Variants in PRKG1 observed in about 807,000 individuals in gnomAD.
PRKG1 encodes the protein protein kinase cGMP-dependent 1, also known as cGMP-dependent protein kinase 1.
Under a neutral mutation model 88.1 loss-of-function variants are expected in PRKG1, and 35 were observed. The observed-to-expected ratio is 0.40, with a 90% CI of 0.30 to 0.53. The LOEUF is 0.53. Among genes scored for constraint, PRKG1 ranks in the 20% least tolerant of loss-of-function variants. PRKG1 has a pLI of 0.59. For missense variants in PRKG1, 540 were observed against 839.8 expected (o/e 0.64, Z 4.41); for synonymous variants, 303 against 292.5 (o/e 1.04, Z -0.37).
intron 3 of PRKG1, among the ~76,000 whole-genome samples, chr10:51,642,697 G>A (rs1216010654): frequency 2.6e-5 from 4 of 152,106 alleles, no homozygotes; most frequent in Admixed American, 1.3e-4. Context: ...AGAGAGCAAG[G>A]AAGGGACCCA....
chr10:51,183,890 A>T (rs1159926865), intron 2 of PRKG1, among the ~76,000 whole-genome samples: 1 of 152,150 alleles, frequency 6.6e-6, no homozygotes, highest in African/African-American at 2.4e-5. Flanking sequence ...CTCCTTGTTT[A>T]TCCCTTTCCT....
At chr10:52,272,361 T>C (rs1455182520) in intron 11 of PRKG1, 31 bp from the exon 12 acceptor site, 1 of 1,501,208 alleles carries the variant, frequency 6.7e-7, no homozygotes. Context: ...GTAATGTTTA[T>C]AATCTTTGTT....
At chr10:51,242,932 G>GA (rs1289594302) in intron 2 of PRKG1, among the ~76,000 whole-genome samples, 1 of 152,080 alleles carries the variant, frequency 6.6e-6, no homozygotes, top group East Asian at 1.9e-4. Context: ...TTCTCTCTTG[G>GA]AAAAAAGTGA....
chr10:51,790,645 A>G (rs568787116), intron 3 of PRKG1, among the ~76,000 whole-genome samples: 1 of 152,292 alleles, frequency 6.6e-6, no homozygotes, highest in South Asian at 2.1e-4. Context: ...CTTATGAGAC[A>G]CCATTTCCTT....
At chr10:51,150,855 T>C (rs1242627543) in intron 1 of PRKG1, among the ~76,000 whole-genome samples, 3 of 152,066 alleles carry the variant, frequency 2.0e-5, no homozygotes. Flanking sequence ...TTTAATCTTT[T>C]GCAATATCTT....
Position 52,294,197 on chromosome 10 carries a change from T to C in PRKG1, c.*297T>C, listed in dbSNP as rs1034712495. ...CAATGACCTTGCTTTGCTCTGATTA[T>C]AATTTGAAAGACTGTAGGAAACACT... is the stretch of plus-strand genomic sequence containing the variant. On this transcript the variant is annotated 3_prime_UTR_variant, in exon 18 of 18. Coordinates refer to ENST00000373980, the MANE Select transcript of PRKG1 (RefSeq NM_006258.4). The C allele has an allele frequency of 1.5e-5, 4 of 265,520 alleles. No homozygotes were observed. The highest frequency in any genetic ancestry group is 6.7e-5 in the African/African-American group (3 of 45,036). 16.4% of individuals were successfully genotyped at this position (265,520 alleles called of 1,614,324 possible).
intron 2 of PRKG1, among the ~76,000 whole-genome samples, chr10:51,341,845 A>C (rs1351701533): frequency 4.6e-5 from 7 of 152,178 alleles, no homozygotes; most frequent in Non-Finnish European, 1.0e-4. Flanking sequence ...GCAAATGAGG[A>C]GCAAGTCACG....
At chr10:51,948,907 A>G (rs1019144853) in intron 5 of PRKG1, among the ~76,000 whole-genome samples, 5 of 152,252 alleles carry the variant, frequency 3.3e-5, no homozygotes, top group African/African-American at 1.2e-4. Flanking sequence ...ATTACAAAGT[A>G]TAAGATAACC....
At chr10:51,743,420 T>G (rs891816433) in intron 3 of PRKG1, among the ~76,000 whole-genome samples, 1 of 151,504 alleles carries the variant, frequency 6.6e-6, no homozygotes, top group African/African-American at 2.4e-5. Flanking sequence ...CTCCAGGAGA[T>G]GAAAGTGGCA....
chr10:52,119,696 A>G (rs571759199), intron 7 of PRKG1, among the ~76,000 whole-genome samples: 10 of 152,358 alleles, frequency 6.6e-5, no homozygotes, highest in African/African-American at 2.4e-4. Context: ...CCCATGACAC[A>G]ACCTGTCTTG....
chr10:51,597,935 C>G (rs1406974421), intron 3 of PRKG1, among the ~76,000 whole-genome samples: 1 of 151,954 alleles, frequency 6.6e-6, no homozygotes, highest in Non-Finnish European at 1.5e-5. Context: ...GTTAGAGAAA[C>G]AGTAAGATAA....
intron 3 of PRKG1, among the ~76,000 whole-genome samples, chr10:51,549,983 A>G (rs1022076197): frequency 6.6e-6 from 1 of 152,064 alleles, no homozygotes; most frequent in Non-Finnish European, 1.5e-5. Context: ...CAGTCACAGA[A>G]TTCCGTGGCC....
chr10:51,133,981 C>A (rs1340358416), intron 1 of PRKG1, among the ~76,000 whole-genome samples: 1 of 152,124 alleles, frequency 6.6e-6, no homozygotes, highest in Non-Finnish European at 1.5e-5. Flanking sequence ...TATCTCCCTG[C>A]TCCCTCATTT....
In PRKG1 at chr10:51,736,866, C is replaced by A. The variant is rs1837294496; in HGVS notation, c.593-67719C>A. On this transcript the variant is annotated intron_variant, in intron 3 of 17. Transcript: ENST00000373980. ...GCTCAGGCTGGTCTTGAATTCCTGGCCTCAAGCAGTCCTCTCACCTTGGCT... is the reference window on the plus strand; with the variant it reads ...GCTCAGGCTGGTCTTGAATTCCTGGACTCAAGCAGTCCTCTCACCTTGGCT... Among the ~76,000 whole-genome samples the A allele has an allele frequency of 2.0e-5, 3 of 151,590 alleles. No individual in the cohort carries two copies. In the South Asian group the frequency reaches 6.3e-4, roughly 32 times the overall value.
chr10:51,269,423 A>G (rs931338747), intron 2 of PRKG1, among the ~76,000 whole-genome samples: 10 of 152,228 alleles, frequency 6.6e-5, no homozygotes, highest in Non-Finnish European at 1.2e-4. Flanking sequence ...ATGCATGTTT[A>G]TAGCAGCACA....
At chr10:51,101,382 A>G (rs868341879) in intron 1 of PRKG1, among the ~76,000 whole-genome samples, 2 of 152,076 alleles carry the variant, frequency 1.3e-5, no homozygotes, top group Non-Finnish European at 1.5e-5. Context: ...TGGACTTCCC[A>G]ATGTCCAGAA....
intron 9 of PRKG1, among the ~76,000 whole-genome samples, chr10:52,220,557 C>G (rs1024628271): frequency 6.6e-6 from 1 of 151,968 alleles, no homozygotes; most frequent in Non-Finnish European, 1.5e-5. Flanking sequence ...TCCTGATTCT[C>G]TCCCTCTCCC....
At chr10:52,051,963 G>GT (rs1269386475) in intron 5 of PRKG1, among the ~76,000 whole-genome samples, 1 of 141,140 alleles carries the variant, frequency 7.1e-6, no homozygotes, top group Non-Finnish European at 1.5e-5. Context: ...AGTATCAAGA[G>GT]TGGGAAAGAT....
At chr10:51,761,570 C>A (rs1838022564) in intron 3 of PRKG1, among the ~76,000 whole-genome samples, 1 of 152,158 alleles carries the variant, frequency 6.6e-6, no homozygotes, top group African/African-American at 2.4e-5. Context: ...AGTGAAGAAA[C>A]AGTATTTTTA....
Sources: allele counts gnomAD v4.1 joint callset (sites outside exome capture counted in the v4.1 genomes callset), GRCh38; gene constraint gnomAD v4.1.1; transcripts MANE v1.5; gene names NCBI Gene and HGNC (gene_info 2026-07-23, HGNC 2026-07-21).